CASS4: variants seen among roughly 807,000 people sequenced by gnomAD.
The protein encoded by CASS4 is cas scaffolding protein family member 4.
In CASS4, 22 loss-of-function variants were observed where a neutral mutation model predicts 54.2. The observed-to-expected ratio is 0.41, with a 90% CI of 0.29 to 0.58. The LOEUF is 0.58. Among genes scored for constraint, CASS4 ranks in the 20% least tolerant of loss-of-function variants. CASS4 has a pLI of 0.36. For synonymous variants in CASS4, 409 were observed against 391.5 expected, an observed-to-expected ratio of 1.04 and a Z score of -0.53; for missense variants, 854 against 986.7, an observed-to-expected ratio of 0.87 and a Z score of 1.80.
chr20:56,433,079 G>A (rs556531441), intron 1 of CASS4, among the ~76,000 whole-genome samples: 3 of 152,338 alleles, frequency 2.0e-5, no homozygotes, highest in African/African-American at 4.8e-5. Context: ...ATCATGGGAC[G>A]CAGTCCAGAA....
At chr20:56,441,050 G>A (rs1160386396) in intron 2 of CASS4, among the ~76,000 whole-genome samples, 7 of 149,892 alleles carry the variant, frequency 4.7e-5, no homozygotes, top group African/African-American at 1.5e-4. Flanking sequence ...GTGCAGTGGC[G>A]TGATCTCGGC....
Position 56,458,661 on chromosome 20 carries a change from C to G in CASS4, c.2275C>G (p.Pro759Ala), listed in dbSNP as rs747377046. 4 of 1,613,192 alleles carry G rather than the reference C, an allele frequency of 2.5e-6. No individual in the cohort carries two copies. In the South Asian group the frequency reaches 4.4e-5, roughly 18 times the overall value. Reference protein sequence around the residue: ...LATKNAVLTYPSPAALGHLQA... With the variant: ...LATKNAVLTYASPAALGHLQA... Reference sequence around the variant, plus strand: ...CACTAAGAATGCCGTGCTCACGTACCCCAGCCCTGCCGCGCTGGGGCACCT... The same window carrying G: ...CACTAAGAATGCCGTGCTCACGTACGCCAGCCCTGCCGCGCTGGGGCACCT... Residue 759 changes from proline to alanine, a missense_variant, in exon 6 of 6, where the codon CCC becomes GCC. Physicochemically the swap from Pro to Ala is conservative, Grantham distance 27. Coordinates refer to ENST00000679887, the MANE Select transcript of CASS4 (RefSeq NM_020356.4).
chr20:56,422,767 G>A (rs1979468340), intron 1 of CASS4, among the ~76,000 whole-genome samples: 2 of 152,216 alleles, frequency 1.3e-5, no homozygotes, highest in African/African-American at 2.4e-5. Flanking sequence ...GTTAAAGTTT[G>A]CGTTTATTCA....
At position 56,430,161 on chromosome 20, in the gene CASS4, G is replaced by A. The variant is rs370989161; in HGVS notation, c.37-7003G>A. Among the ~76,000 whole-genome samples, 6 of 152,300 alleles carry A rather than the reference G, an allele frequency of 3.9e-5. 1 individual carries two copies. Among genetic ancestry groups the A allele is most frequent in the East Asian group, 1.9e-4 (1 of 5,182 alleles). The stretch of plus-strand genomic sequence containing the variant: ...TGCAGCTAAGACCACTGTATCCTTG[G>A]CTGCTCGGGTTTAGATGAGCACATT... On this transcript the variant is annotated intron_variant, in intron 1 of 5. Coordinates refer to ENST00000679887, the MANE Select transcript of CASS4 (RefSeq NM_020356.4). This position sits in a 1 kb window ranked among gnomAD's most constrained non-coding sequence, Gnocchi z 4.2.
chr20:56,431,859 C>A (rs890969438), intron 1 of CASS4, among the ~76,000 whole-genome samples: 1 of 152,168 alleles, frequency 6.6e-6, no homozygotes, highest in Non-Finnish European at 1.5e-5. Flanking sequence ...ATGGGAATTA[C>A]GATGAAATAT....
intron 2 of CASS4, among the ~76,000 whole-genome samples, chr20:56,438,187 G>A (rs906707726): frequency 1.3e-5 from 2 of 152,004 alleles, no homozygotes; most frequent in African/African-American, 4.8e-5. Flanking sequence ...CTTAGTGGGA[G>A]GCTGAGGCAG....
At position 56,437,197 on chromosome 20, in the gene CASS4, C is replaced by G. The variant is rs1194220610; in HGVS notation, c.70C>G (p.Pro24Ala). The G allele has an allele frequency of 1.3e-6, 2 of 1,589,296 alleles. No individual in the cohort carries two copies. Among genetic ancestry groups the G allele is most frequent in the Non-Finnish European group, 1.7e-6 (2 of 1,165,670 alleles). Residue 24 changes from proline to alanine, a missense_variant, in exon 2 of 6, where the codon CCT becomes GCT. Pro to Ala is a conservative substitution (Grantham distance 27, BLOSUM62 -1). Transcript: ENST00000679887. This position sits in a 1 kb window ranked among gnomAD's most constrained non-coding sequence, Gnocchi z 4.7. ...LLARALYDNC[P>A]DCSDELAFSR... ...GGCCAGGGCACTTTATGACAACTGCCCTGACTGCTCTGACGAGCTGGCTTT... is the reference window on the plus strand; with the variant it reads ...GGCCAGGGCACTTTATGACAACTGCGCTGACTGCTCTGACGAGCTGGCTTT...
Position 56,430,843 on chromosome 20 carries a change from C to T in CASS4, c.37-6321C>T, listed in dbSNP as rs117258063. ...GCAAAGAAAAGGTCTGAGGTGGAAG[C>T]AACCTCAGGGCATTTGAGAAAAGTA... On this transcript the variant is annotated intron_variant, in intron 1 of 5. Transcript: ENST00000679887. This position sits in a 1 kb window ranked among gnomAD's most constrained non-coding sequence, Gnocchi z 4.2. Among the ~76,000 whole-genome samples the T allele has an allele frequency of 0.036, 5,459 of 152,170 alleles. 123 individuals are homozygous for T. The highest frequency in any genetic ancestry group is 0.056 in the Non-Finnish European group (3,780 of 67,984).
At chr20:56,412,186 A>G (rs1978906480), upstream of CASS4, 2 of 482,938 alleles carry the variant, frequency 4.1e-6, no homozygotes, top group African/African-American at 3.9e-5. The surrounding 1 kb of genome is among the most constrained non-coding windows in gnomAD (Gnocchi z 4.2). Context: ...CTCTACTTAC[A>G]GACAAAGTGA....
intron 1 of CASS4, among the ~76,000 whole-genome samples, chr20:56,413,313 A>C (rs2146258212): frequency 6.6e-6 from 1 of 152,278 alleles, no homozygotes; most frequent in South Asian, 2.1e-4. Flanking sequence ...GGAAAAAAGA[A>C]ATGAAACAAG....
chr20:56,425,019 A>G (rs908174648), intron 1 of CASS4, among the ~76,000 whole-genome samples: 5 of 152,206 alleles, frequency 3.3e-5, no homozygotes, highest in African/African-American at 1.2e-4. Context: ...AACATCACAC[A>G]CATGCAACAT....
At chr20:56,447,611 C>T (rs1247373386) in intron 3 of CASS4, among the ~76,000 whole-genome samples, 3 of 152,220 alleles carry the variant, frequency 2.0e-5, no homozygotes, top group African/African-American at 7.2e-5. Context: ...CCTTGCTGAG[C>T]ATCTCTTACC....
In CASS4 at chr20:56,437,461, G is replaced by A. The variant is rs761524521; in HGVS notation, c.334G>A (p.Val112Ile). The A allele has an allele frequency of 5.3e-5, 86 of 1,613,330 alleles. No homozygotes were observed. Among genetic ancestry groups the A allele is most frequent in the African/African-American group, 8.0e-5 (6 of 74,914 alleles). Residue 112 changes from valine (V) to isoleucine (I), a missense_variant, in exon 2 of 6, where the codon GTT becomes ATT. By Grantham distance (29) the Val-to-Ile change is conservative (BLOSUM62 3). Transcript: ENST00000679887. The surrounding 1 kb of genome is among the most constrained non-coding windows in gnomAD (Gnocchi z 4.7). ...ACCCCGCCCTCCCACTCCAGGCCCC[G>A]TTTATGAGCAGATGAGGAGTTGGGC... Reference protein sequence around the residue: ...TLPRPPTPGPVYEQMRSWAEG... With the variant: ...TLPRPPTPGPIYEQMRSWAEG...
intron 1 of CASS4, among the ~76,000 whole-genome samples, chr20:56,420,836 CAG>C (rs567900089): frequency 8.3e-4 from 127 of 152,212 alleles, no homozygotes; most frequent in African/African-American, 3.0e-3. Flanking sequence ...CACTGGGAGT[CAG>C]GGCCAGTTAC....
rs1433059618 is a variant in CASS4, at chr20:56,414,525, T to C, written c.36+2031T>C. On this transcript the variant is annotated intron_variant, in intron 1 of 5. Coordinates refer to ENST00000679887, the MANE Select transcript of CASS4 (RefSeq NM_020356.4). The surrounding 1 kb of genome is among the most constrained non-coding windows in gnomAD (Gnocchi z 4.1). ...AATTCCTGAACTCAGGTGATTCTTC[T>C]GCCTCAGCCTCCCAAGTACAGGATT... Among the ~76,000 whole-genome samples the C allele has an allele frequency of 6.6e-6, 1 of 152,170 alleles. No individual in the cohort carries two copies. The highest frequency in any genetic ancestry group is 1.5e-5 in the Non-Finnish European group (1 of 68,020).
rs572594122 is a variant in CASS4 at position 56,458,810 on chromosome 20, C to G, written c.*63C>G. 5 of 1,453,214 alleles carry G rather than the reference C, an allele frequency of 3.4e-6. No individual in the cohort carries two copies. The highest frequency in any genetic ancestry group is 1.4e-5 in the African/African-American group (1 of 70,948). 90.0% of individuals were successfully genotyped at this position (1,453,214 alleles called of 1,614,324 possible). On this transcript the variant is annotated 3_prime_UTR_variant, in exon 6 of 6. Coordinates refer to ENST00000679887, the MANE Select transcript of CASS4 (RefSeq NM_020356.4). ...AGCTTCACACCCACAACTTGTGCAA[C>G]TCTGCCCTATGGGAAAAGCCAGCCG...
Position 56,452,234 on chromosome 20 carries a change from C to G in CASS4, c.1058C>G (p.Pro353Arg). Residue 353 changes from proline (P) to arginine (R), a missense_variant, in exon 5 of 6, where the codon CCT becomes CGT. Coordinates refer to ENST00000679887, the MANE Select transcript of CASS4 (RefSeq NM_020356.4). Reference protein sequence around the residue: ...QNTKPNIYDIPKATSSVSQAG... With the variant: ...QNTKPNIYDIRKATSSVSQAG... ...ACCAAGCCCAATATTTATGACATCC[C>G]TAAAGCAACGTCGAGTGTTTCTCAG... is the stretch of plus-strand genomic sequence containing the variant. The G allele has an allele frequency of 1.9e-6, 3 of 1,614,076 alleles. No individual in the cohort carries two copies. The highest frequency in any genetic ancestry group is 2.5e-6 in the Non-Finnish European group (3 of 1,180,018).
At chr20:56,457,218 T>C (rs746650344) in intron 5 of CASS4, among the ~76,000 whole-genome samples, 13 of 152,254 alleles carry the variant, frequency 8.5e-5, no homozygotes, top group Non-Finnish European at 1.3e-4. Context: ...CCTATCTGTC[T>C]GAATGCTTCC....
intron 1 of CASS4, among the ~76,000 whole-genome samples, chr20:56,416,528 CGT>C (rs3219626): frequency 0.26 from 39,346 of 148,726 alleles, 7,029 homozygotes; most frequent in African/African-American, 0.51. Flanking sequence ...TGTTTACTTC[CGT>C]GTGTGTGTGT....
Sources: gnomAD v4.1 joint callset for allele counts (sites outside exome capture counted in the v4.1 genomes callset) on GRCh38, gnomAD v4.1.1 for gene constraint, Gnocchi (gnomAD v3.1) non-coding constraint, MANE v1.5 for transcripts, NCBI Gene and HGNC (gene_info 2026-07-23, HGNC 2026-07-21) for gene names.